ENPP2: variants seen among roughly 807,000 people sequenced by gnomAD.
ENPP2 encodes the protein autotaxin.
A neutral mutation model predicts 120.2 loss-of-function variants in ENPP2; 51 were observed. The ratio of observed to expected loss-of-function variants is 0.42; its 90% CI spans 0.34 to 0.54. The LOEUF (loss-of-function observed/expected upper bound fraction) is 0.54, where lower values mean the gene tolerates loss of function less well. ENPP2 is among the 20% of genes least tolerant of loss of function. The pLI, the probability that ENPP2 is intolerant of heterozygous loss-of-function variation, is 0.04. For synonymous variants in ENPP2, 365 were observed against 366.4 expected (o/e 1.00, Z 0.04); for missense variants, 920 against 1,066.5 (o/e 0.86, Z 1.91).
rs943628985 is a variant in ENPP2, at chr8:119,617,511, A to G, written c.532T>C (p.Tyr178His). The G allele has an allele frequency of 6.2e-7, 1 of 1,613,642 alleles. No individual in the cohort carries two copies. Among genetic ancestry groups the G allele is most frequent in the African/African-American group, 1.3e-5 (1 of 74,928 alleles). Residue 178 changes from tyrosine (Y) to histidine (H), a missense_variant, in exon 6 of 25, where the codon TAC becomes CAC. Tyr to His is a moderately conservative substitution (Grantham distance 83). Coordinates refer to ENST00000075322, the MANE Select transcript of ENPP2 (RefSeq NM_001040092.3). ...ATGACTTTGCTGCCTTTCTTCATGTATGATGCACGGAAGCCATCCACGGAG... is the reference window on the plus strand; with the variant it reads ...ATGACTTTGCTGCCTTTCTTCATGTGTGATGCACGGAAGCCATCCACGGAG... Reference protein sequence around the residue: ...IFSVDGFRASYMKKGSKVMPN... With the variant: ...IFSVDGFRASHMKKGSKVMPN...
intron 9 of ENPP2, 27 bp downstream of exon 9, chr8:119,607,895 A>T: frequency 6.9e-7 from 1 of 1,446,246 alleles, no homozygotes; most frequent in Non-Finnish European, 9.5e-7. Context: ...TCATTTTATA[A>T]ACATTGACAA....
At chr8:119,621,310 G>T in intron 4 of ENPP2, 84 bp downstream of exon 4, 1 of 1,221,084 alleles carries the variant, frequency 8.2e-7, no homozygotes, top group African/African-American at 1.5e-5. Flanking sequence ...ATCCAGTGTG[G>T]TCTATTCCTA....
chr8:119,577,925 G>A (rs990157870), intron 19 of ENPP2, among the ~76,000 whole-genome samples: 2 of 152,194 alleles, frequency 1.3e-5, no homozygotes, highest in African/African-American at 2.4e-5. Flanking sequence ...TCAGAGCAGA[G>A]CAATGGAGAT....
intron 11 of ENPP2, among the ~76,000 whole-genome samples, 170 bp downstream of exon 11, chr8:119,600,508 G>A (rs905317358): frequency 1.4e-4 from 22 of 152,238 alleles, no homozygotes; most frequent in Admixed American, 1.3e-3. Context: ...AACAGAAACA[G>A]GTCGTTTTAA....
intron 9 of ENPP2, among the ~76,000 whole-genome samples, chr8:119,603,246 C>T (rs2130583483): frequency 6.6e-6 from 1 of 152,026 alleles, no homozygotes; most frequent in South Asian, 2.1e-4. Context: ...AAGTGAATGC[C>T]AGAGCCTTTT....
intron 24 of ENPP2, among the ~76,000 whole-genome samples, chr8:119,562,444 GT>G (rs545373379): frequency 1.1e-3 from 166 of 152,160 alleles, no homozygotes; most frequent in African/African-American, 3.8e-3. Flanking sequence ...AAAGAAAAAA[GT>G]TTTTTAATAT....
chr8:119,668,429 C>CT (rs5894492), intron 1 of ENPP2, among the ~76,000 whole-genome samples: 1,261 of 110,512 alleles, frequency 0.011, 29 homozygotes, highest in East Asian at 0.027. Context: ...TTTTCTTTTT[C>CT]TTTTTTTTTT....
intron 1 of ENPP2, among the ~76,000 whole-genome samples, chr8:119,646,920 G>C (rs972718413): frequency 6.6e-6 from 1 of 151,838 alleles, no homozygotes. Context: ...TCACTCCGCT[G>C]TGAGCCTCCC....
intron 9 of ENPP2, among the ~76,000 whole-genome samples, chr8:119,604,930 C>T (rs151161019): frequency 0.015 from 2,285 of 151,948 alleles, 39 homozygotes; most frequent in African/African-American, 0.043. Context: ...CCCACCACCA[C>T]GCCTGGCTAA....
At chr8:119,666,235 T>C (rs1818064665) in intron 1 of ENPP2, among the ~76,000 whole-genome samples, 2 of 152,056 alleles carry the variant, frequency 1.3e-5, no homozygotes, top group Admixed American at 1.3e-4. Context: ...CTTTTTTGAT[T>C]TTTTTTCCAC....
At chr8:119,601,864 C>G (rs1814337197) in intron 9 of ENPP2, among the ~76,000 whole-genome samples, 1 of 152,148 alleles carries the variant, frequency 6.6e-6, no homozygotes. Flanking sequence ...TGTGACCTCT[C>G]TTGACCACTC....
chr8:119,637,877 A>G (rs778306885), intron 2 of ENPP2, among the ~76,000 whole-genome samples: 3 of 152,228 alleles, frequency 2.0e-5, no homozygotes, highest in Non-Finnish European at 4.4e-5. Context: ...TTCCTTTGCC[A>G]TAAGGACACA....
rs112344367 is a variant in ENPP2, at chr8:119,666,778, A to AT, written c.21+6473_21+6474insA. Among the ~76,000 whole-genome samples the AT allele has an allele frequency of 2.2e-4, 8 of 36,736 alleles. No homozygotes were observed. In the African/African-American group the frequency reaches 2.6e-3, roughly 12 times the overall value. The allele number at this position is 36,736 out of a possible 152,430, so 24.1% of individuals were successfully genotyped here. On this transcript the variant is annotated intron_variant, in intron 1 of 25. Transcript: ENST00000427067. ...CTGGGCAAAAAGAGCAAAACTGTCTAAAAAAAAAAAAAAGCTTAATGAAGG... is the reference window on the plus strand; with the variant it reads ...CTGGGCAAAAAGAGCAAAACTGTCTATAAAAAAAAAAAAAGCTTAATGAAGG...
intron 1 of ENPP2, among the ~76,000 whole-genome samples, chr8:119,650,705 C>G (rs1321119463): frequency 1.3e-5 from 2 of 152,122 alleles, no homozygotes; most frequent in Non-Finnish European, 2.9e-5. Flanking sequence ...TCTTAACGAG[C>G]CCCTGTGTGT....
At chr8:119,559,778 C>T (rs1400314311) in intron 24 of ENPP2, among the ~76,000 whole-genome samples, 1 of 152,172 alleles carries the variant, frequency 6.6e-6, no homozygotes, top group Non-Finnish European at 1.5e-5. Flanking sequence ...TGCTGTCTTC[C>T]TCATTATGGA....
chr8:119,558,456 G>A (rs1360059599), intron 24 of ENPP2, among the ~76,000 whole-genome samples: 4 of 151,978 alleles, frequency 2.6e-5, no homozygotes, highest in African/African-American at 4.8e-5. Flanking sequence ...AAGGAAACAC[G>A]GAAAAAAGAA....
Position 119,558,892 on chromosome 8 carries a change from A to G in ENPP2, c.2422-1201T>C, listed in dbSNP as rs114191209. On this transcript the variant is annotated intron_variant, in intron 24 of 24. Coordinates refer to ENST00000075322, the MANE Select transcript of ENPP2 (RefSeq NM_001040092.3). Reference sequence around the variant, plus strand: ...TCAGTGAACTATCCACCAAAGCCCAAGAACCTGCAATGGGCTTTCTCGGAA... The same window carrying G: ...TCAGTGAACTATCCACCAAAGCCCAGGAACCTGCAATGGGCTTTCTCGGAA... Among the ~76,000 whole-genome samples the G allele has an allele frequency of 3.7e-3, 561 of 152,270 alleles. 2 individuals carry two copies. The highest frequency in any genetic ancestry group is 0.013 in the African/African-American group (543 of 41,554).
intron 19 of ENPP2, among the ~76,000 whole-genome samples, chr8:119,576,259 T>A (rs112030612): frequency 1.7e-3 from 252 of 152,310 alleles, no homozygotes; most frequent in Middle Eastern, 6.8e-3. Context: ...TGCCCCAGTC[T>A]CCCTAGTAGC....
At chr8:119,671,836 G>C (rs904803393) in intron 1 of ENPP2, among the ~76,000 whole-genome samples, 1 of 152,170 alleles carries the variant, frequency 6.6e-6, no homozygotes, top group Non-Finnish European at 1.5e-5. Context: ...CAAGAAGAAA[G>C]AGCAGTGCAC....
Sources: allele counts gnomAD v4.1 joint callset (sites outside exome capture counted in the v4.1 genomes callset), GRCh38; gene constraint gnomAD v4.1.1; transcripts MANE v1.5; gene names NCBI Gene and HGNC (gene_info 2026-07-23, HGNC 2026-07-21).